Variants in NFIB observed in about 807,000 individuals in gnomAD.
NFIB encodes nuclear factor 1 B-type.
Under a neutral mutation model 61.5 loss-of-function variants are expected in NFIB, and 11 were observed. The observed-to-expected ratio is 0.18, with a 90% CI of 0.11 to 0.30. The LOEUF (loss-of-function observed/expected upper bound fraction) is 0.30. Among genes scored for constraint, NFIB ranks in the 10% least tolerant of loss-of-function variants. The pLI is 1.00. For synonymous variants in NFIB, 260 were observed against 216.5 expected (o/e 1.20, Z -1.76); for missense variants, 471 against 608.9 (o/e 0.77, Z 2.38).
At chr9:14,132,265 G>A (rs2040487602) in intron 6 of NFIB, among the ~76,000 whole-genome samples, 1 of 152,062 alleles carries the variant, frequency 6.6e-6, no homozygotes, top group Non-Finnish European at 1.5e-5. Context: ...CCTTCAAAAT[G>A]TTTTAAAAGT....
chr9:14,126,813 A>G (rs2039715152), intron 6 of NFIB, among the ~76,000 whole-genome samples: 1 of 152,234 alleles, frequency 6.6e-6, no homozygotes, highest in Admixed American at 6.5e-5. Context: ...AGAGACAGAA[A>G]TCATGAAGAC....
At chr9:14,131,333 C>T (rs1258096701) in intron 6 of NFIB, among the ~76,000 whole-genome samples, 1 of 152,160 alleles carries the variant, frequency 6.6e-6, no homozygotes, top group Non-Finnish European at 1.5e-5. Context: ...ATCAAATTAT[C>T]ACACGATTTT....
intron 2 of NFIB, among the ~76,000 whole-genome samples, chr9:14,198,688 G>C (rs73645009): frequency 0.015 from 2,270 of 152,278 alleles, 45 homozygotes; most frequent in African/African-American, 0.044. Context: ...CTGGGGCCAA[G>C]AAAGCGCTCT....
At chr9:14,505,872 T>G in the NFIB span, among the ~76,000 whole-genome samples, 1 of 152,156 alleles carries the variant, frequency 6.6e-6, no homozygotes, top group Non-Finnish European at 1.5e-5. Context: ...ACGTATATCA[T>G]GACTGAAAAC....
the NFIB span, among the ~76,000 whole-genome samples, chr9:14,478,618 T>C: frequency 3.9e-5 from 6 of 152,220 alleles, no homozygotes; most frequent in African/African-American, 1.4e-4. Context: ...CAATCTCTCA[T>C]CAGCATATCA....
chr9:14,084,413 A>T lies in NFIB; in HGVS notation c.*3896T>A, dbSNP rs745959166. ...CTTGCAGCTTCACAGATTCATTCAC[A>T]TATTTTTTAATGGAGCTGCCCACCC... On this transcript the variant is annotated 3_prime_UTR_variant, in exon 11 of 11. Coordinates refer to ENST00000380953, the MANE Select transcript of NFIB (RefSeq NM_001190737.2). The T allele has an allele frequency of 4.5e-6, 1 of 224,650 alleles. No homozygotes were observed. Among genetic ancestry groups the T allele is most frequent in the East Asian group, 6.5e-5 (1 of 15,464 alleles). The allele number at this position is 224,650 out of a possible 1,614,324, so 13.9% of individuals were successfully genotyped here.
chr9:14,316,271 C>G (rs1234600359), upstream of NFIB, among the ~76,000 whole-genome samples: 2 of 152,240 alleles, frequency 1.3e-5, no homozygotes, highest in Non-Finnish European at 2.9e-5. Context: ...AAAGAGCGCT[C>G]TTAATGAGGC....
intron 1 of NFIB, among the ~76,000 whole-genome samples, chr9:14,379,015 T>C (rs1474601787): frequency 1.3e-5 from 2 of 152,222 alleles, no homozygotes; most frequent in African/African-American, 2.4e-5. Flanking sequence ...GCACGCATTG[T>C]TGCTATCTGT....
the NFIB span, among the ~76,000 whole-genome samples, chr9:14,528,837 T>C: frequency 1.3e-4 from 20 of 152,118 alleles, no homozygotes; most frequent in African/African-American, 4.8e-4. Flanking sequence ...AGGAAACATA[T>C]AGCATCATCA....
the NFIB span, among the ~76,000 whole-genome samples, chr9:14,408,706 G>C: frequency 5.9e-5 from 9 of 152,298 alleles, no homozygotes; most frequent in South Asian, 1.9e-3. Context: ...AAAAGATTTT[G>C]AGAGATAAGA....
chr9:14,366,567 C>T (rs1165445221), intron 1 of NFIB, among the ~76,000 whole-genome samples: 1 of 151,906 alleles, frequency 6.6e-6, no homozygotes, highest in African/African-American at 2.4e-5. Context: ...CTCACTGCAA[C>T]CTCCGCCTTC....
chr9:14,206,406 C>A (rs552372960), intron 2 of NFIB, among the ~76,000 whole-genome samples: 1 of 151,940 alleles, frequency 6.6e-6, no homozygotes, highest in Non-Finnish European at 1.5e-5. Flanking sequence ...TGAGCTCAAG[C>A]AATCTTCCTG....
At chr9:14,288,607 G>C (rs553851563) in intron 2 of NFIB, among the ~76,000 whole-genome samples, 1 of 151,900 alleles carries the variant, frequency 6.6e-6, no homozygotes, top group East Asian at 1.9e-4. Context: ...CCTCCTCTCC[G>C]TGACCTTTCC....
At chr9:14,206,381 C>T (rs907636899) in intron 2 of NFIB, among the ~76,000 whole-genome samples, 20 of 152,064 alleles carry the variant, frequency 1.3e-4, no homozygotes, top group African/African-American at 4.8e-4. Flanking sequence ...GCTGCCCAGG[C>T]TGGTCTCAAA....
At chr9:14,253,739 C>T (rs890983802) in intron 2 of NFIB, among the ~76,000 whole-genome samples, 4 of 152,054 alleles carry the variant, frequency 2.6e-5, no homozygotes, top group African/African-American at 4.8e-5. Flanking sequence ...TTTGAGACTA[C>T]GTAATAACCT....
chr9:14,115,292 G>A (rs1240038673), intron 9 of NFIB, among the ~76,000 whole-genome samples: 12 of 148,728 alleles, frequency 8.1e-5, no homozygotes, highest in Non-Finnish European at 7.5e-5. Flanking sequence ...CTCTAAGAAA[G>A]AAAAAAAAAA....
At chr9:14,098,975 T>C (rs1303067548) in intron 10 of NFIB, among the ~76,000 whole-genome samples, 2 of 152,190 alleles carry the variant, frequency 1.3e-5, no homozygotes, top group Non-Finnish European at 2.9e-5. Flanking sequence ...GGAGGAAATC[T>C]TCCAGCTTTG....
chr9:14,381,225 T>C (rs549323909), intron 1 of NFIB, among the ~76,000 whole-genome samples: 2 of 152,212 alleles, frequency 1.3e-5, no homozygotes, highest in South Asian at 4.2e-4. Flanking sequence ...AGAGTCTCCC[T>C]CTGTCGCCCA....
In NFIB at chr9:14,083,015, C is replaced by T. The variant is rs966624559; in HGVS notation, c.*5294G>A. 4 of 205,166 alleles carry T rather than the reference C, an allele frequency of 1.9e-5. No homozygotes were observed. Among genetic ancestry groups the T allele is most frequent in the South Asian group, 1.9e-4 (1 of 5,238 alleles). The allele number at this position is 205,166 out of a possible 1,614,324, so 12.7% of individuals were successfully genotyped here. On this transcript the variant is annotated 3_prime_UTR_variant, in exon 11 of 11. Transcript: ENST00000380953. ...TACCGGTAAGCTAGTGGCACTGAAG[C>T]GCTTTTCACAATCTCAACATACATT... is the stretch of plus-strand genomic sequence containing the variant.
Sources: gnomAD v4.1 joint callset for allele counts (sites outside exome capture counted in the v4.1 genomes callset) on GRCh38, gnomAD v4.1.1 for gene constraint, MANE v1.5 for transcripts, NCBI Gene and HGNC (gene_info 2026-07-23, HGNC 2026-07-21) for gene names.